The following SPECC1L variants were observed in gnomAD, a reference collection of about 807,000 sequenced individuals.
The protein encoded by SPECC1L is cytospin-A.
Under a neutral mutation model 116.8 loss-of-function variants are expected in SPECC1L, and 40 were observed. That is an observed-to-expected ratio of 0.34 (90% CI 0.27 to 0.45). The LOEUF (loss-of-function observed/expected upper bound fraction) is 0.45. Among genes scored for constraint, SPECC1L ranks in the 20% least tolerant of loss-of-function variants. SPECC1L has a pLI of 1.00. For synonymous variants in SPECC1L, 504 were observed against 500.6 expected (o/e 1.01, Z -0.09); for missense variants, 1,110 against 1,373.6 (o/e 0.81, Z 3.03).
rs1268065197 is a variant in SPECC1L at position 24,302,272 on chromosome 22, T to C, written c.41T>C (p.Val14Ala). ...AGGAGTGTTGGCTCAGTGCCTAAAGTGTCTGCAATAAGTAAAACGCAAACA... is the reference window on the plus strand; with the variant it reads ...AGGAGTGTTGGCTCAGTGCCTAAAGCGTCTGCAATAAGTAAAACGCAAACA... ...ASRSVGSVPK[V>A]SAISKTQTAE... Residue 14 changes from valine (V) to alanine (A), a missense_variant, in exon 3 of 17, where the codon GTG (valine) becomes GCG (alanine). Transcript: ENST00000314328. The C allele has an allele frequency of 6.2e-7, 1 of 1,614,090 alleles. No homozygotes were observed. Among genetic ancestry groups the C allele is most frequent in the Admixed American group, 1.7e-5 (1 of 60,006 alleles).
In SPECC1L at chr22:24,365,491, G is replaced by T; in HGVS notation, c.2843G>T (p.Ser948Ile). ...TTTCTCACAGTGTCTCGACGAAGTAGTGAAGAAGTGAAACGGGACATTTCT... is the reference window on the plus strand; with the variant it reads ...TTTCTCACAGTGTCTCGACGAAGTATTGAAGAAGTGAAACGGGACATTTCT... ...AKTLSVSRRS[S>I]EEVKRDISAQ... The change falls in exon 13 of 17, where the codon AGT becomes ATT. Residue 948 changes from serine (S) to isoleucine (I), a missense_variant. By Grantham distance (142) the Ser-to-Ile change is moderately radical (BLOSUM62 -2). This residue lies in a region of SPECC1L where 575 missense variants were observed against 682.4 expected (regional missense o/e 0.84). Transcript: ENST00000314328. 1 of 1,614,128 alleles carries T rather than the reference G, an allele frequency of 6.2e-7. No homozygotes were observed. Among genetic ancestry groups the T allele is most frequent in the Non-Finnish European group, 8.5e-7 (1 of 1,180,020 alleles).
chr22:24,369,507 G>A (rs753570573), intron 14 of SPECC1L, among the ~76,000 whole-genome samples, 187 bp downstream of exon 14: 28 of 152,020 alleles, frequency 1.8e-4, no homozygotes, highest in Non-Finnish European at 3.1e-4. Context: ...TTCAAGCCTG[G>A]GCAACATGGC....
chr22:24,317,654 G>A (rs868142586), intron 4 of SPECC1L, among the ~76,000 whole-genome samples: 2,150 of 38,266 alleles, frequency 0.056, 47 homozygotes, highest in African/African-American at 0.18. Flanking sequence ...CTGGCCAGGC[G>A]GGGGGCTGAC....
At chr22:24,368,603 A>AT (rs779136005) in intron 13 of SPECC1L, among the ~76,000 whole-genome samples, 4 of 152,146 alleles carry the variant, frequency 2.6e-5, no homozygotes, top group Admixed American at 6.5e-5. Context: ...ACAATAAGTA[A>AT]TTTTTTTAAA....
chr22:24,382,156 A>T (rs2042074384), intron 14 of SPECC1L, among the ~76,000 whole-genome samples: 1 of 152,336 alleles, frequency 6.6e-6, no homozygotes, highest in Admixed American at 6.5e-5. Context: ...GGCATTGGGG[A>T]CTAACCAAGG....
intron 10 of SPECC1L, among the ~76,000 whole-genome samples, chr22:24,338,927 C>G (rs904739988): frequency 2.6e-5 from 4 of 152,208 alleles, no homozygotes; most frequent in Non-Finnish European, 5.9e-5. Context: ...AGTCACTACA[C>G]TAAGACACAA....
intron 2 of SPECC1L, among the ~76,000 whole-genome samples, chr22:24,277,459 T>C (rs2048858868): frequency 6.6e-6 from 1 of 152,228 alleles, no homozygotes; most frequent in South Asian, 2.1e-4. Flanking sequence ...AAGTTATGCA[T>C]TGATCACCAC....
Position 24,331,803 on chromosome 22 carries a change from T to G in SPECC1L, c.2396+1372T>G, listed in dbSNP as rs2040944086. The stretch of plus-strand genomic sequence containing the variant: ...TGGCAATAAATTGCACTCATAGTCA[T>G]TATACTCTTCACCACCACATACTTG... On this transcript the variant is annotated intron_variant, in intron 8 of 16. Transcript: ENST00000314328. Among the ~76,000 whole-genome samples, 3 of 152,216 alleles carry G rather than the reference T, an allele frequency of 2.0e-5. No homozygotes were observed. The South Asian group carries it at 6.2e-4, about 32-fold the overall frequency.
chr22:24,377,154 T>G (rs188589019), intron 14 of SPECC1L, among the ~76,000 whole-genome samples: 20 of 152,346 alleles, frequency 1.3e-4, no homozygotes, highest in Admixed American at 1.1e-3. Context: ...TTTTTAAGGT[T>G]CATCCATGCT....
intron 4 of SPECC1L, among the ~76,000 whole-genome samples, chr22:24,317,577 G>A (rs1163327097): frequency 5.5e-3 from 128 of 23,472 alleles, no homozygotes; most frequent in East Asian, 0.011. Context: ...GGCGCCCCTC[G>A]CCTCCCGGAC....
intron 11 of SPECC1L, among the ~76,000 whole-genome samples, chr22:24,359,904 C>G (rs181689239): frequency 6.6e-6 from 1 of 152,168 alleles, no homozygotes; most frequent in African/African-American, 2.4e-5. Context: ...GTTCCCAGAA[C>G]CCCTGGTACT....
rs191970443 is a variant in SPECC1L, at chr22:24,361,269, A to C, written c.2744-1992A>C. On this transcript the variant is annotated intron_variant, in intron 11 of 16. Transcript: ENST00000314328. ...GCCAGAAGTGATGGTGCATACCTATAGTCCCAGCCCTTCAAGAGGCTGAGG... is the reference window on the plus strand; with the variant it reads ...GCCAGAAGTGATGGTGCATACCTATCGTCCCAGCCCTTCAAGAGGCTGAGG... 2.4e-4 allele frequency among the ~76,000 whole-genome samples: 36 copies of C among 152,284 alleles called. No individual in the cohort carries two copies. In the East Asian group the frequency reaches 6.9e-3, roughly 29 times the overall value.
intron 11 of SPECC1L, among the ~76,000 whole-genome samples, chr22:24,355,281 CAAAAAAAAA>C (rs751981921): frequency 3.6e-5 from 2 of 56,026 alleles, no homozygotes; most frequent in Non-Finnish European, 7.1e-5. Context: ...GACTCCATCT[CAAAAAAAAA>C]AAAAAAAAAA....
At chr22:24,361,663 G>T (rs181040314) in intron 11 of SPECC1L, among the ~76,000 whole-genome samples, 145 of 147,932 alleles carry the variant, frequency 9.8e-4, no homozygotes, top group African/African-American at 3.7e-3. Flanking sequence ...AGGTGTGGTG[G>T]CTCACACCTG....
intron 14 of SPECC1L, among the ~76,000 whole-genome samples, chr22:24,398,190 A>G (rs541039318): frequency 6.6e-6 from 1 of 152,352 alleles, no homozygotes; most frequent in East Asian, 1.9e-4. Context: ...TTTGTGTTGT[A>G]GAAGGTGGAA....
intron 3 of SPECC1L, among the ~76,000 whole-genome samples, chr22:24,311,425 A>C (rs1410537466): frequency 6.6e-6 from 1 of 152,202 alleles, no homozygotes; most frequent in African/African-American, 2.4e-5. Context: ...AGGAGGGACA[A>C]ATTGGCAGGA....
At chr22:24,393,753 A>G (rs546396336) in intron 14 of SPECC1L, among the ~76,000 whole-genome samples, 1 of 152,258 alleles carries the variant, frequency 6.6e-6, no homozygotes, top group East Asian at 1.9e-4. Context: ...TGTCACATAT[A>G]TACACCTGTG....
At chr22:24,283,748 A>G (rs569432624) in intron 2 of SPECC1L, among the ~76,000 whole-genome samples, 5 of 152,354 alleles carry the variant, frequency 3.3e-5, no homozygotes, top group South Asian at 2.1e-4. Context: ...AATTTCTTCA[A>G]TAACTATAGA....
At chr22:24,289,978 T>G (rs370217747) in intron 2 of SPECC1L, among the ~76,000 whole-genome samples, 32 of 152,330 alleles carry the variant, frequency 2.1e-4, no homozygotes, top group Middle Eastern at 3.4e-3. Context: ...TCACACATTT[T>G]TGAGATGTTC....
Sources: gnomAD v4.1 joint callset for allele counts (sites outside exome capture counted in the v4.1 genomes callset) on GRCh38, gnomAD v4.1.1 for gene constraint, gnomAD v4.1.1 regional missense constraint, MANE v1.5 for transcripts, NCBI Gene and HGNC (gene_info 2026-07-23, HGNC 2026-07-21) for gene names.